Variants in LRP1 observed in about 807,000 individuals in gnomAD.
The protein encoded by LRP1 is prolow-density lipoprotein receptor-related protein 1.
In LRP1, 51 loss-of-function variants were observed where a neutral mutation model predicts 541.5. The observed-to-expected ratio is 0.09, with a 90% CI of 0.08 to 0.12. The LOEUF is 0.12. LRP1 is among the 10% of genes least tolerant of loss of function. The probability of loss-of-function intolerance (pLI) is 1.00; values close to 1 mark genes in which losing one functional copy is unlikely to be tolerated. For synonymous variants in LRP1, 2,219 were observed against 2,470.8 expected, an observed-to-expected ratio of 0.90 and a Z score of 3.02; for missense variants, 3,878 against 6,376.2, an observed-to-expected ratio of 0.61 and a Z score of 13.34.
chr12:57,139,869 C>G (rs557883992), intron 2 of LRP1, among the ~76,000 whole-genome samples: 1 of 152,302 alleles, frequency 6.6e-6, no homozygotes, highest in South Asian at 2.1e-4. Flanking sequence ...GCCAGATACA[C>G]CAGCATACAG....
intron 2 of LRP1, among the ~76,000 whole-genome samples, chr12:57,140,576 T>G (rs1489035029): frequency 6.6e-6 from 1 of 152,208 alleles, no homozygotes; most frequent in African/African-American, 2.4e-5. Flanking sequence ...GATAGCCACA[T>G]GTGACTGGGC....
Position 57,129,129 on chromosome 12 carries a change from T to A in LRP1, c.67+98T>A, listed in dbSNP as rs920132066. 1.0e-5 allele frequency: 13 copies of A among 1,292,982 alleles called. No homozygotes were observed. The African/African-American group carries it at 1.8e-4, about 18-fold the overall frequency. 80.1% of individuals were successfully genotyped at this position (1,292,982 alleles called of 1,614,324 possible). On this transcript the variant is annotated intron_variant, in intron 1 of 88. Transcript: ENST00000243077. ...TGGGGAAGGGAGACGCGGGAGGGGGTGCCTTTTGTTATCCCAGTCCAGCTG... is the reference window on the plus strand; with the variant it reads ...TGGGGAAGGGAGACGCGGGAGGGGGAGCCTTTTGTTATCCCAGTCCAGCTG...
rs376504279 is a variant in LRP1 at position 57,194,908 on chromosome 12, C to T, written c.8192-77C>T. ...GGGGTGCTGTGGGCATCTCTCCTGTCCTTCCCATGGCATCAGCCTCCCCAG... is the reference window on the plus strand; with the variant it reads ...GGGGTGCTGTGGGCATCTCTCCTGTTCTTCCCATGGCATCAGCCTCCCCAG... On this transcript the variant is annotated intron_variant, in intron 50 of 88. Coordinates refer to ENST00000243077, the MANE Select transcript of LRP1 (RefSeq NM_002332.3). The T allele has an allele frequency of 8.5e-6, 11 of 1,290,596 alleles. No individual in the cohort carries two copies. The East Asian group carries it at 1.2e-4, about 14-fold the overall frequency. The allele number at this position is 1,290,596 out of a possible 1,614,324, so 79.9% of individuals were successfully genotyped here.
chr12:57,178,004 A>G lies in LRP1; in HGVS notation c.4362-355A>G, dbSNP rs560002862. Among the ~76,000 whole-genome samples the G allele has an allele frequency of 1.3e-4, 18 of 142,064 alleles. No homozygotes were observed. In the South Asian group the frequency reaches 3.3e-3, roughly 26 times the overall value. 93.2% of individuals were successfully genotyped at this position (142,064 alleles called of 152,430 possible). On this transcript the variant is annotated intron_variant, in intron 26 of 88. Transcript: ENST00000243077. This position sits in a 1 kb window ranked among gnomAD's most constrained non-coding sequence, Gnocchi z 5.8. ...CGCTCCGTCGCCCAGGCTGGAGTGC[A>G]GTGGCGCGATCTCGGCTCACTGCAG...
At position 57,204,430 on chromosome 12, in the gene LRP1, G is replaced by A. The variant is rs772620629; in HGVS notation, c.10972G>A (p.Glu3658Lys). 15 of 1,549,386 alleles carry A rather than the reference G, an allele frequency of 9.7e-6. No individual in the cohort carries two copies. In the South Asian group the frequency reaches 9.9e-5, roughly 10 times the overall value. Residue 3658 changes from glutamate (E) to lysine (K), a missense_variant, in exon 71 of 89, where the codon GAG becomes AAG. Glu to Lys is a moderately conservative substitution (Grantham distance 56). Coordinates refer to ENST00000243077, the MANE Select transcript of LRP1 (RefSeq NM_002332.3). This position sits in a 1 kb window ranked among gnomAD's most constrained non-coding sequence, Gnocchi z 5.3. ...GTGVRTCPLD[E>K]FQCNNTLCKP... ...ACCAGTGCGGACCTGCCCCCTGGAC[G>A]AGTTCCAGTGCAACAACACCTTGTG...
intron 6 of LRP1, among the ~76,000 whole-genome samples, chr12:57,146,082 G>T (rs995583431): frequency 3.3e-5 from 5 of 152,156 alleles, no homozygotes; most frequent in Non-Finnish European, 7.4e-5. Flanking sequence ...CTTCCATTCA[G>T]GCTTCTCCCT....
chr12:57,148,156 C>CTT (rs760101626), intron 6 of LRP1, among the ~76,000 whole-genome samples: 18 of 130,700 alleles, frequency 1.4e-4, no homozygotes, highest in East Asian at 4.3e-4. Flanking sequence ...CCTGGACAAG[C>CTT]TTTTTTTTTT....
rs755343155 is a variant in LRP1, at chr12:57,145,212, C to A, written c.578-15C>A. ...GAGCCCTGGCTGCACGGACTCTTCT[C>A]TTCCCCATTCCCAGAGCCAGTAGAC... On this transcript the variant is annotated splice_polypyrimidine_tract_variant and intron_variant, in intron 5 of 88. Coordinates refer to ENST00000243077, the MANE Select transcript of LRP1 (RefSeq NM_002332.3). 1 of 1,614,080 alleles carries A rather than the reference C, an allele frequency of 6.2e-7. No homozygotes were observed. Among genetic ancestry groups the A allele is most frequent in the Non-Finnish European group, 8.5e-7 (1 of 1,179,994 alleles).
chr12:57,206,863 T>C lies in LRP1; in HGVS notation c.11859+122T>C, dbSNP rs935541446. The C allele has an allele frequency of 8.6e-7, 1 of 1,156,494 alleles. No individual in the cohort carries two copies. 71.6% of individuals were successfully genotyped at this position (1,156,494 alleles called of 1,614,324 possible). A position where few individuals can be genotyped will look rare whatever the true frequency, so the allele number is the denominator to read the frequency against. Reference sequence around the variant, plus strand: ...GGCTCACGCCTATAATCCCAGCACTTTGGGAGGCCAAGGCGGGCAGATCAC... The same window carrying C: ...GGCTCACGCCTATAATCCCAGCACTCTGGGAGGCCAAGGCGGGCAGATCAC... On this transcript the variant is annotated intron_variant, in intron 76 of 88. Transcript: ENST00000243077. This position sits in a 1 kb window ranked among gnomAD's most constrained non-coding sequence, Gnocchi z 4.7.
intron 1 of LRP1, among the ~76,000 whole-genome samples, chr12:57,133,032 T>C (rs776431730): frequency 1.3e-5 from 2 of 152,200 alleles, no homozygotes; most frequent in African/African-American, 2.4e-5. Context: ...AGAAAGGAAC[T>C]TGATACCCTT....
At chr12:57,131,814 A>T (rs970870212) in intron 1 of LRP1, among the ~76,000 whole-genome samples, 1 of 152,148 alleles carries the variant, frequency 6.6e-6, no homozygotes, top group Non-Finnish European at 1.5e-5. Context: ...ATGACAGCCC[A>T]GGTCCTGGCC....
rs1258798067 is a variant in LRP1, at chr12:57,212,507, A to G, written c.13587A>G (p.Glu4529=). The change falls in exon 89 of 89, where the codon GAA becomes GAG. Residue 4529 remains glutamate, a synonymous_variant. Coordinates refer to ENST00000243077, the MANE Select transcript of LRP1 (RefSeq NM_002332.3). This position sits in a 1 kb window ranked among gnomAD's most constrained non-coding sequence, Gnocchi z 5.0. ...TGGCCAGCACGGACGAGAAGCGAGA[A>G]CTCCTGGGCCGGGGCCCTGAGGACG... ...HSLASTDEKR[E]LLGRGPEDEI... The G allele has an allele frequency of 1.9e-6, 3 of 1,613,504 alleles. No homozygotes were observed. Among genetic ancestry groups the G allele is most frequent in the Non-Finnish European group, 2.5e-6 (3 of 1,179,784 alleles).
chr12:57,210,666 G>A, intron 82 of LRP1, 52 bp from the exon 83 acceptor site: 1 of 1,572,800 alleles, frequency 6.4e-7, no homozygotes, highest in East Asian at 2.3e-5. Flanking sequence ...TCTGCTATAG[G>A]GCCAGGTGGT....
intron 50 of LRP1, 141 bp from the exon 51 acceptor site, chr12:57,194,844 G>A (rs893808342): frequency 2.5e-6 from 3 of 1,222,844 alleles, no homozygotes; most frequent in African/African-American, 1.5e-5. Context: ...GTCAGACTCA[G>A]AGACTCTGCC....
At chr12:57,147,524 C>T (rs935974984) in intron 6 of LRP1, 1 of 152,352 alleles carries the variant, frequency 6.6e-6, no homozygotes, top group African/African-American at 2.4e-5. Context: ...TCACTCTGCC[C>T]TCCAGGGCAG....
intron 15 of LRP1, chr12:57,164,580 A>G (rs1217413800): frequency 1.3e-5 from 2 of 152,180 alleles, no homozygotes; most frequent in Non-Finnish European, 2.9e-5. Context: ...TAATTTGTTT[A>G]CCCCTAAAAA....
Position 57,156,209 on chromosome 12 carries a change from C to T in LRP1, c.1343C>T (p.Thr448Ile), listed in dbSNP as rs987361866. The change falls in exon 9 of 89, where the codon ACC (threonine) becomes ATC (isoleucine). Residue 448 changes from threonine to isoleucine, a missense_variant. By Grantham distance (89) the Thr-to-Ile change is moderately conservative (BLOSUM62 -1). This residue lies in a region of LRP1 where 496 missense variants were observed against 861.0 expected (regional missense o/e 0.58). Coordinates refer to ENST00000243077, the MANE Select transcript of LRP1 (RefSeq NM_002332.3). This position sits in a 1 kb window ranked among gnomAD's most constrained non-coding sequence, Gnocchi z 5.2. Reference protein sequence around the residue: ...SVIRVNRFNSTEYQVVTRVDK... With the variant: ...SVIRVNRFNSIEYQVVTRVDK... ...ATCCGTGTGAACCGCTTTAACAGCA[C>T]CGAGTACCAGGTTGTCACCCGGGTG... 1.2e-6 allele frequency: 2 copies of T among 1,614,176 alleles called. No individual in the cohort carries two copies. Among genetic ancestry groups the T allele is most frequent in the Non-Finnish European group, 1.7e-6 (2 of 1,180,042 alleles).
chr12:57,143,831 G>A, intron 4 of LRP1, 33 bp downstream of exon 4: 1 of 1,592,182 alleles, frequency 6.3e-7, no homozygotes, highest in Non-Finnish European at 8.6e-7. Flanking sequence ...GTGCATGTGT[G>A]TGTGCCAGTA....
Position 57,212,519 on chromosome 12 carries a change from G to A in LRP1, c.13599G>A (p.Arg4533=), listed in dbSNP as rs779047938. Residue 4533 remains arginine, a synonymous_variant, in exon 89 of 89, where the codon CGG becomes CGA. Transcript: ENST00000243077. This position sits in a 1 kb window ranked among gnomAD's most constrained non-coding sequence, Gnocchi z 5.0. The part of the protein sequence containing the change: ...STDEKRELLG[R]GPEDEIGDPL... ...ACGAGAAGCGAGAACTCCTGGGCCG[G>A]GGCCCTGAGGACGAGATAGGGGACC... is the stretch of plus-strand genomic sequence containing the variant. 6 of 1,613,490 alleles carry A rather than the reference G, an allele frequency of 3.7e-6. No individual in the cohort carries two copies. The highest frequency in any genetic ancestry group is 2.5e-6 in the Non-Finnish European group (3 of 1,179,672).
Sources: gnomAD v4.1 joint callset for allele counts (sites outside exome capture counted in the v4.1 genomes callset) on GRCh38, gnomAD v4.1.1 for gene constraint, gnomAD v4.1.1 regional missense constraint, Gnocchi (gnomAD v3.1) non-coding constraint, MANE v1.5 for transcripts, NCBI Gene and HGNC (gene_info 2026-07-23, HGNC 2026-07-21) for gene names.